SEL1L: variants seen among roughly 807,000 people sequenced by gnomAD.
SEL1L encodes the protein protein sel-1 homolog 1.
In SEL1L, 52 loss-of-function variants were observed where a neutral mutation model predicts 109.8. The ratio of observed to expected loss-of-function variants is 0.47; its 90% CI spans 0.38 to 0.60. The LOEUF (loss-of-function observed/expected upper bound fraction) is 0.60. Among genes scored for constraint, SEL1L ranks in the 20% least tolerant of loss-of-function variants. SEL1L has a pLI of 0.00. For missense variants in SEL1L, 749 were observed against 962.2 expected, an observed-to-expected ratio of 0.78 and a Z score of 2.93; for synonymous variants, 373 against 339.6, an observed-to-expected ratio of 1.10 and a Z score of -1.08.
chr14:81,512,762 T>C (rs72691453), intron 3 of SEL1L, among the ~76,000 whole-genome samples: 220 of 152,364 alleles, frequency 1.4e-3, no homozygotes, highest in Middle Eastern at 0.01. Context: ...AAAATGGCTA[T>C]GGGTATTCTA....
chr14:81,485,133 A>G (rs1355044981), intron 18 of SEL1L, among the ~76,000 whole-genome samples: 1 of 152,278 alleles, frequency 6.6e-6, no homozygotes, highest in Non-Finnish European at 1.5e-5. Flanking sequence ...AAACTGGAAA[A>G]CAAAGAGTGA....
chr14:81,499,371 A>G, intron 8 of SEL1L, 88 bp downstream of exon 8: 1 of 1,550,740 alleles, frequency 6.4e-7, no homozygotes. Context: ...GCAAATCTGG[A>G]TCATGAAAGC....
chr14:81,489,997 A>G (rs2139998008), intron 13 of SEL1L, among the ~76,000 whole-genome samples: 1 of 152,330 alleles, frequency 6.6e-6, no homozygotes, highest in East Asian at 1.9e-4. Flanking sequence ...TCAGGTACTC[A>G]TATGCAGTTT....
Position 81,492,552 on chromosome 14 carries a change from T to G in SEL1L, c.1186-4A>C. 1 of 1,584,364 alleles carries G rather than the reference T, an allele frequency of 6.3e-7. No homozygotes were observed. Among genetic ancestry groups the G allele is most frequent in the Non-Finnish European group, 8.6e-7 (1 of 1,160,184 alleles). ...AATTGAAGTAGTCAAATGCTCTCTA[T>G]GAGAAAAGAATTTATTAAAATAATT... On this transcript the variant is annotated splice_region_variant and splice_polypyrimidine_tract_variant and intron_variant, in intron 11 of 20. Transcript: ENST00000336735.
chr14:81,518,659 TA>T (rs35790401), intron 3 of SEL1L, among the ~76,000 whole-genome samples: 2,184 of 84,456 alleles, frequency 0.026, 18 homozygotes, highest in East Asian at 0.078. Flanking sequence ...AGACTTCGTC[TA>T]AAAAAAAAAA....
At chr14:81,485,270 CTTAA>C (rs1595504563) in intron 18 of SEL1L, among the ~76,000 whole-genome samples, 1 of 151,920 alleles carries the variant, frequency 6.6e-6, no homozygotes, top group African/African-American at 2.4e-5. Flanking sequence ...AGTATCTCTG[CTTAA>C]TTAATTATTT....
rs537432730 is a variant in SEL1L at position 81,498,441 on chromosome 14, C to A, written c.945G>T (p.Leu315=). ...GATTGGCAACAAGACGATAGTGAGTCAGGGCAGATTCACAACTCTGGAGGA... is the reference window on the plus strand; with the variant it reads ...GATTGGCAACAAGACGATAGTGAGTAAGGGCAGATTCACAACTCTGGAGGA... ...IGVLQSCESA[L]THYRLVANHV... Residue 315 remains leucine, a synonymous_variant, in exon 9 of 21, where the codon CTG becomes CTT. Coordinates refer to ENST00000336735, the MANE Select transcript of SEL1L (RefSeq NM_005065.6). The A allele has an allele frequency of 1.9e-6, 3 of 1,613,848 alleles. No individual in the cohort carries two copies. The highest frequency in any genetic ancestry group is 3.3e-4 in the Middle Eastern group (2 of 6,060).
rs765757982 is a variant in SEL1L at position 81,498,377 on chromosome 14, T to A, written c.973+36A>T. 3 of 1,508,088 alleles carry A rather than the reference T, an allele frequency of 2.0e-6. No individual in the cohort carries two copies. The South Asian group carries it at 3.5e-5, about 18-fold the overall frequency. 93.4% of individuals were successfully genotyped at this position (1,508,088 alleles called of 1,614,324 possible). A position where few individuals can be genotyped will look rare whatever the true frequency, so the allele number is the denominator to read the frequency against. ...TGTTTAAAGTTAATTCCATTTATTT[T>A]TTTTTCCTAAAAGGTAAAAGGGGAA... On this transcript the variant is annotated intron_variant, in intron 9 of 20. Transcript: ENST00000336735.
intron 6 of SEL1L, among the ~76,000 whole-genome samples, chr14:81,500,187 A>G (rs1883946011): frequency 1.3e-5 from 2 of 151,996 alleles, no homozygotes; most frequent in Non-Finnish European, 2.9e-5. Flanking sequence ...CTGAGATTAC[A>G]GGGGTAAGCC....
chr14:81,481,972 A>G (rs1903371601), intron 19 of SEL1L, among the ~76,000 whole-genome samples: 2 of 152,230 alleles, frequency 1.3e-5, no homozygotes, highest in East Asian at 3.9e-4. Flanking sequence ...CGGAGGTTGC[A>G]GAGAGCCAAG....
At chr14:81,482,035 A>G (rs1030282738) in intron 19 of SEL1L, among the ~76,000 whole-genome samples, 3 of 142,622 alleles carry the variant, frequency 2.1e-5, no homozygotes, top group East Asian at 4.1e-4. Context: ...CATCTCACCG[A>G]AAAAAAAAAA....
At chr14:81,527,162 A>G (rs1434057609) in intron 2 of SEL1L, among the ~76,000 whole-genome samples, 198 bp from the exon 3 acceptor site, 1 of 152,000 alleles carries the variant, frequency 6.6e-6, no homozygotes, top group Non-Finnish European at 1.5e-5. Flanking sequence ...TTTGAATTTC[A>G]ACTTAGATGT....
chr14:81,487,545 G>GAAA lies in SEL1L; in HGVS notation c.1484-10_1484-8dup. ...CTCTTGACTCCAATGCCATCTGTAA[G>GAAA]AAAAAAAAAAATCACACGAGATAAT... On this transcript the variant is annotated splice_region_variant and splice_polypyrimidine_tract_variant and intron_variant, in intron 15 of 20. Transcript: ENST00000336735. 7.8e-7 allele frequency: 1 copy of GAAA among 1,289,084 alleles called. No individual in the cohort carries two copies. The highest frequency in any genetic ancestry group is 1.0e-6 in the Non-Finnish European group (1 of 954,240). The allele number at this position is 1,289,084 out of a possible 1,614,324, so 79.9% of individuals were successfully genotyped here.
chr14:81,510,486 C>CT (rs1884422742), intron 3 of SEL1L, among the ~76,000 whole-genome samples: 1 of 109,994 alleles, frequency 9.1e-6, no homozygotes, highest in Non-Finnish European at 1.9e-5. Flanking sequence ...CTCTCTCTCT[C>CT]TCTCTCTCTC....
Position 81,532,350 on chromosome 14 carries a change from T to C in SEL1L, c.70+1325A>G, listed in dbSNP as rs139353278. Among the ~76,000 whole-genome samples, 76 of 152,326 alleles carry C rather than the reference T, an allele frequency of 5.0e-4. No homozygotes were observed. The East Asian group carries it at 0.01, about 21-fold the overall frequency. ...TTTAACAAACCCATAAGAGGAATTC[T>C]GATGCAGGAGGTCCATGGTCCAGCA... On this transcript the variant is annotated intron_variant, in intron 1 of 20. Transcript: ENST00000336735.
At chr14:81,498,107 G>A (rs991784919) in intron 9 of SEL1L, 61 bp from the exon 10 acceptor site, 22 of 1,525,680 alleles carry the variant, frequency 1.4e-5, no homozygotes, top group Non-Finnish European at 2.0e-5. Context: ...TCCAGAGAGA[G>A]AGAAGTACAA....
Position 81,475,156 on chromosome 14 carries a change from C to T in SEL1L, c.*1816G>A, listed in dbSNP as rs1321135085. 6.6e-6 allele frequency: 1 copy of T among 152,190 alleles called. No individual in the cohort carries two copies. Among genetic ancestry groups the T allele is most frequent in the Admixed American group, 6.5e-5 (1 of 15,280 alleles). The allele number at this position is 152,190 out of a possible 1,614,324, so 9.4% of individuals were successfully genotyped here. A position where few individuals can be genotyped will look rare whatever the true frequency, so the allele number is the denominator to read the frequency against. ...TGGAGACACCAAAGTACTGTACCAA[C>T]TGCACTCAAATCTCTACATGTAAGA... is the stretch of plus-strand genomic sequence containing the variant. On this transcript the variant is annotated 3_prime_UTR_variant, in exon 21 of 21. Transcript: ENST00000336735.
At chr14:81,492,045 T>C (rs1184693719) in intron 12 of SEL1L, among the ~76,000 whole-genome samples, 2 of 151,990 alleles carry the variant, frequency 1.3e-5, no homozygotes, top group South Asian at 2.1e-4. Flanking sequence ...TTTTTTTAGA[T>C]GGAGTCTTGC....
At chr14:81,521,929 G>A (rs1884920758) in intron 3 of SEL1L, among the ~76,000 whole-genome samples, 1 of 152,160 alleles carries the variant, frequency 6.6e-6, no homozygotes, top group African/African-American at 2.4e-5. Context: ...TGTGGAGGTG[G>A]AAGACAGTGA....
Sources: allele counts gnomAD v4.1 joint callset (sites outside exome capture counted in the v4.1 genomes callset), GRCh38; gene constraint gnomAD v4.1.1; transcripts MANE v1.5; gene names NCBI Gene and HGNC (gene_info 2026-07-23, HGNC 2026-07-21).